The following FAM185A variants were observed in gnomAD, a reference collection of about 807,000 sequenced individuals.
FAM185A encodes the protein protein FAM185A.
Under a neutral mutation model 45.7 loss-of-function variants are expected in FAM185A, and 21 were observed. That is an observed-to-expected ratio of 0.46 (90% confidence interval 0.33 to 0.66). The LOEUF (loss-of-function observed/expected upper bound fraction) is 0.66. FAM185A is among the 30% of genes least tolerant of loss of function. The pLI, the probability that FAM185A is intolerant of heterozygous loss-of-function variation, is 0.03. For synonymous variants in FAM185A, 117 were observed against 194.0 expected, an observed-to-expected ratio of 0.60 and a Z score of 3.30; for missense variants, 305 against 485.4, an observed-to-expected ratio of 0.63 and a Z score of 3.49.
downstream of FAM185A, chr7:102,813,401 CT>C (rs774095708): frequency 2.5e-6 from 4 of 1,614,094 alleles, no homozygotes; most frequent in Non-Finnish European, 3.4e-6. Flanking sequence ...TCTAAGGCTC[CT>C]TTAGATGATG....
the FAM185A span, among the ~76,000 whole-genome samples, chr7:102,820,213 T>C: frequency 6.6e-6 from 1 of 152,210 alleles, no homozygotes; most frequent in Non-Finnish European, 1.5e-5. Context: ...TAAAAGGTAG[T>C]GGTGTGGCCT....
chr7:102,753,488 T>C (rs952120058), intron 2 of FAM185A, among the ~76,000 whole-genome samples: 1 of 152,076 alleles, frequency 6.6e-6, no homozygotes, highest in Non-Finnish European at 1.5e-5. Context: ...GCCTGTCTTG[T>C]GCAGTATAGG....
In FAM185A at chr7:102,749,113, T is replaced by A. The variant is rs751450830; in HGVS notation, c.-95T>A. On this transcript the variant is annotated 5_prime_UTR_variant, in exon 1 of 8. Coordinates refer to ENST00000413034, the MANE Select transcript of FAM185A (RefSeq NM_001145268.2). Reference sequence around the variant, plus strand: ...CAAACCCTGACTTACGTCTCCTATTTGACTTGAGGCGGCACAGTGGCCAAG... The same window carrying A: ...CAAACCCTGACTTACGTCTCCTATTAGACTTGAGGCGGCACAGTGGCCAAG... 7.1e-5 allele frequency: 106 copies of A among 1,498,842 alleles called. No individual in the cohort carries two copies. The highest frequency in any genetic ancestry group is 7.9e-5 in the Admixed American group (4 of 50,926). The allele number at this position is 1,498,842 out of a possible 1,614,324, so 92.8% of individuals were successfully genotyped here.
intron 6 of FAM185A, among the ~76,000 whole-genome samples, chr7:102,779,260 G>A (rs970679295): frequency 6.6e-6 from 1 of 152,178 alleles, no homozygotes; most frequent in Non-Finnish European, 1.5e-5. Flanking sequence ...AAAAGTTAGT[G>A]TTAACGATGG....
At chr7:102,795,326 G>A (rs999772297) in intron 7 of FAM185A, among the ~76,000 whole-genome samples, 1 of 152,138 alleles carries the variant, frequency 6.6e-6, no homozygotes, top group Non-Finnish European at 1.5e-5. Flanking sequence ...CTTCTTGTCA[G>A]TATGAAATTA....
At chr7:102,829,438 G>A in the FAM185A span, among the ~76,000 whole-genome samples, 4 of 152,292 alleles carry the variant, frequency 2.6e-5, no homozygotes, top group South Asian at 6.2e-4. Context: ...TCTCAGAGGT[G>A]CATTGCAGAG....
the FAM185A span, among the ~76,000 whole-genome samples, chr7:102,833,554 C>A: frequency 4.7e-5 from 7 of 150,372 alleles, no homozygotes; most frequent in African/African-American, 1.7e-4. Context: ...GCCTCTTGTG[C>A]CTATTGGGAC....
intron 5 of FAM185A, among the ~76,000 whole-genome samples, chr7:102,772,744 T>A (rs1263197192): frequency 5.9e-5 from 9 of 151,616 alleles, no homozygotes; most frequent in Non-Finnish European, 1.2e-4. Flanking sequence ...CTAAATTAAG[T>A]CCTTGAAAGA....
chr7:102,849,442 C>T, the FAM185A span, among the ~76,000 whole-genome samples: 1 of 152,104 alleles, frequency 6.6e-6, no homozygotes, highest in Admixed American at 6.6e-5. Flanking sequence ...CTTGCAAAAC[C>T]TAACCAGGGT....
chr7:102,755,108 G>A, intron 2 of FAM185A: 1 of 386,846 alleles, frequency 2.6e-6, no homozygotes. Flanking sequence ...AAGAGTTCTT[G>A]ACTTAAAACA....
chr7:102,826,258 A>C, the FAM185A span, among the ~76,000 whole-genome samples: 1 of 152,210 alleles, frequency 6.6e-6, no homozygotes, highest in Non-Finnish European at 1.5e-5. Flanking sequence ...AAAGGGGCTG[A>C]ATAGTCCACA....
chr7:102,823,817 T>C, the FAM185A span, among the ~76,000 whole-genome samples: 1 of 152,220 alleles, frequency 6.6e-6, no homozygotes, highest in Non-Finnish European at 1.5e-5. Flanking sequence ...AAAGAGACGT[T>C]GCCATTGTCT....
chr7:102,808,249 T>C (rs916734967), intron 7 of FAM185A, 41 bp from the exon 8 acceptor site: 22 of 1,293,496 alleles, frequency 1.7e-5, no homozygotes, highest in Non-Finnish European at 2.4e-5. Flanking sequence ...ATGTGGTCAA[T>C]TAATGCTCTT....
chr7:102,771,225 C>T (rs1160035841), intron 4 of FAM185A, among the ~76,000 whole-genome samples: 12 of 151,856 alleles, frequency 7.9e-5, no homozygotes, highest in East Asian at 1.9e-4. Flanking sequence ...GATGGAGGGA[C>T]GGGGCAAGGG....
In FAM185A at chr7:102,757,958, A is replaced by T; in HGVS notation, c.654+12A>T. The T allele has an allele frequency of 6.0e-6, 9 of 1,497,872 alleles. No homozygotes were observed. Among genetic ancestry groups the T allele is most frequent in the South Asian group, 1.3e-5 (1 of 78,048 alleles). The allele number at this position is 1,497,872 out of a possible 1,614,324, so 92.8% of individuals were successfully genotyped here. A position where few individuals can be genotyped will look rare whatever the true frequency, so the allele number is the denominator to read the frequency against. On this transcript the variant is annotated intron_variant, in intron 3 of 7. Transcript: ENST00000413034. Reference sequence around the variant, plus strand: ...CATCAGATAAAAGTGTAAGATTGAAACTTTCTTTTTTTTTTTAGTAATTGC... The same window carrying T: ...CATCAGATAAAAGTGTAAGATTGAATCTTTCTTTTTTTTTTTAGTAATTGC...
chr7:102,820,281 T>C, the FAM185A span, among the ~76,000 whole-genome samples: 1 of 152,172 alleles, frequency 6.6e-6, no homozygotes, highest in Non-Finnish European at 1.5e-5. Context: ...TAGGGCCAAG[T>C]CTCTGCCTGC....
At chr7:102,842,826 A>T in the FAM185A span, among the ~76,000 whole-genome samples, 1 of 152,250 alleles carries the variant, frequency 6.6e-6, no homozygotes. Context: ...TACAAGACTC[A>T]GAACTCTGAA....
chr7:102,758,459 TA>T (rs1562845517), intron 3 of FAM185A, among the ~76,000 whole-genome samples: 26 of 107,436 alleles, frequency 2.4e-4, no homozygotes, highest in African/African-American at 3.3e-4. Context: ...TTTTTTTTTT[TA>T]TAGTAGCTAT....
At chr7:102,781,628 A>AAAGG (rs1234457062) in intron 6 of FAM185A, among the ~76,000 whole-genome samples, 1 of 152,230 alleles carries the variant, frequency 6.6e-6, no homozygotes, top group Non-Finnish European at 1.5e-5. Flanking sequence ...TAACAAACAG[A>AAAGG]AAGGACATCC....
Sources: allele counts gnomAD v4.1 joint callset (sites outside exome capture counted in the v4.1 genomes callset), GRCh38; gene constraint gnomAD v4.1.1; transcripts MANE v1.5; gene names NCBI Gene and HGNC (gene_info 2026-07-23, HGNC 2026-07-21).